The following ARL8B variants were observed in gnomAD, a reference collection of about 807,000 sequenced individuals.
ARL8B encodes the protein ADP-ribosylation factor-like protein 8B.
Under a neutral mutation model 30.6 loss-of-function variants are expected in ARL8B, and 9 were observed. That is an observed-to-expected ratio of 0.29 (90% confidence interval 0.18 to 0.51). The LOEUF (loss-of-function observed/expected upper bound fraction) is 0.51. Ranked by LOEUF, ARL8B falls within the 20% of genes least tolerant of loss-of-function variation. The probability of loss-of-function intolerance (pLI) is 0.97; values close to 1 mark genes in which losing one functional copy is unlikely to be tolerated. For synonymous variants in ARL8B, 74 were observed against 76.0 expected (o/e 0.97, Z 0.14); for missense variants, 130 against 227.2 (o/e 0.57, Z 2.75).
chr3:5,148,774 C>T (rs1485843794), intron 1 of ARL8B, among the ~76,000 whole-genome samples: 1 of 152,084 alleles, frequency 6.6e-6, no homozygotes, highest in East Asian at 1.9e-4. Flanking sequence ...GTCTTTGGGC[C>T]AGATAAAACA....
intron 1 of ARL8B, among the ~76,000 whole-genome samples, chr3:5,148,407 T>C (rs1034464368): frequency 6.6e-6 from 1 of 152,208 alleles, no homozygotes; most frequent in African/African-American, 2.4e-5. Context: ...TTCTTAAATT[T>C]GGATAAGGAT....
intron 1 of ARL8B, among the ~76,000 whole-genome samples, chr3:5,134,521 G>T (rs944976344): frequency 6.6e-6 from 1 of 152,216 alleles, no homozygotes; most frequent in Admixed American, 6.5e-5. Flanking sequence ...TTTTCTAGGT[G>T]TGATTTGTGT....
At chr3:5,145,868 C>G (rs2054414448) in intron 1 of ARL8B, among the ~76,000 whole-genome samples, 1 of 152,148 alleles carries the variant, frequency 6.6e-6, no homozygotes, top group African/African-American at 2.4e-5. Flanking sequence ...TATTCTCTTT[C>G]CTTCACTAAT....
intron 1 of ARL8B, among the ~76,000 whole-genome samples, chr3:5,154,460 G>T (rs149759379): frequency 1.3e-5 from 2 of 151,492 alleles, no homozygotes; most frequent in Non-Finnish European, 2.9e-5. Context: ...TCAGCCTCCC[G>T]AGTAGCTGGG....
At chr3:5,155,667 GC>G (rs58950262) in intron 1 of ARL8B, among the ~76,000 whole-genome samples, 27,489 of 121,390 alleles carry the variant, frequency 0.23, 3,103 homozygotes, top group African/African-American at 0.45. Flanking sequence ...GATTCCCCGT[GC>G]CCCCCCACCC....
At chr3:5,133,434 AGG>A (rs2054300491) in intron 1 of ARL8B, among the ~76,000 whole-genome samples, 1 of 152,210 alleles carries the variant, frequency 6.6e-6, no homozygotes, top group African/African-American at 2.4e-5. Flanking sequence ...AGGAGGGGAA[AGG>A]TACGCATTAT....
At position 5,158,822 on chromosome 3, in the gene ARL8B, A is replaced by AGAATCCC. The variant is rs1219095057; in HGVS notation, c.124-11681_124-11680insGAATCCC. On this transcript the variant is annotated intron_variant, in intron 1 of 6. Transcript: ENST00000256496. ...AAAATTTCATTTTATTAGTCCCTTG[A>AGAATCCC]TTCTGTCTTACTTTAATAGGTCTTG... is the stretch of plus-strand genomic sequence containing the variant. 2.9e-3 allele frequency among the ~76,000 whole-genome samples: 443 copies of AGAATCCC among 152,220 alleles called. 3 individuals are homozygous for AGAATCCC. The highest frequency in any genetic ancestry group is 0.01 in the African/African-American group (436 of 41,538).
At chr3:5,170,805 C>T in intron 2 of ARL8B, 1 of 388,982 alleles carries the variant, frequency 2.6e-6, no homozygotes, top group Non-Finnish European at 4.7e-6. Context: ...GATCTCCACT[C>T]ACTGCAACCT....
chr3:5,146,821 T>C (rs998949922), intron 1 of ARL8B, among the ~76,000 whole-genome samples: 2 of 152,164 alleles, frequency 1.3e-5, no homozygotes, highest in African/African-American at 4.8e-5. Context: ...TCCCTGATAC[T>C]GTCAATTTTT....
intron 1 of ARL8B, among the ~76,000 whole-genome samples, chr3:5,129,689 G>C (rs1384453036): frequency 6.6e-6 from 1 of 152,004 alleles, no homozygotes; most frequent in East Asian, 1.9e-4. Flanking sequence ...AGGGACCACA[G>C]GCGTATGTCA....
chr3:5,170,993 A>G (rs954730238), intron 2 of ARL8B: 2 of 153,434 alleles, frequency 1.3e-5, no homozygotes, highest in Non-Finnish European at 2.9e-5. Context: ...GGCCTCCCCA[A>G]AGTGCTGGGA....
intron 1 of ARL8B, among the ~76,000 whole-genome samples, chr3:5,130,421 T>C (rs1444887766): frequency 1.3e-5 from 2 of 152,182 alleles, no homozygotes; most frequent in Admixed American, 6.5e-5. Context: ...TATTTTGTTT[T>C]AGAAGTATTG....
intron 6 of ARL8B, among the ~76,000 whole-genome samples, chr3:5,177,815 G>T (rs779073082): frequency 7.2e-5 from 11 of 152,192 alleles, no homozygotes; most frequent in Non-Finnish European, 1.3e-4. Flanking sequence ...CTCCCATTCA[G>T]TTCCAATGAG....
intron 1 of ARL8B, among the ~76,000 whole-genome samples, chr3:5,125,266 C>T (rs984060771): frequency 1.3e-5 from 2 of 152,098 alleles, no homozygotes; most frequent in Non-Finnish European, 2.9e-5. Context: ...TAGATGGTAA[C>T]TGTTGTTATT....
At chr3:5,130,010 C>T (rs375245124) in intron 1 of ARL8B, among the ~76,000 whole-genome samples, 14 of 150,570 alleles carry the variant, frequency 9.3e-5, no homozygotes, top group African/African-American at 3.2e-4. Flanking sequence ...ACTACAGGCA[C>T]GTGCCACCAC....
At chr3:5,127,742 G>A (rs1186845059) in intron 1 of ARL8B, among the ~76,000 whole-genome samples, 1 of 151,824 alleles carries the variant, frequency 6.6e-6, no homozygotes, top group Non-Finnish European at 1.5e-5. Flanking sequence ...GTGTGGTGGT[G>A]GGCACCTGTA....
intron 1 of ARL8B, among the ~76,000 whole-genome samples, chr3:5,122,817 A>G (rs963069842): frequency 6.6e-6 from 1 of 152,146 alleles, no homozygotes; most frequent in Non-Finnish European, 1.5e-5. Flanking sequence ...CAGTGTAGAC[A>G]TTTTCCAAGG....
chr3:5,158,288 C>T (rs879542907), intron 1 of ARL8B, among the ~76,000 whole-genome samples: 22 of 152,082 alleles, frequency 1.4e-4, no homozygotes, highest in Admixed American at 1.2e-3. Flanking sequence ...CAGCCTGGGG[C>T]ATGCATTCTG....
At chr3:5,147,854 A>G (rs11710404) in intron 1 of ARL8B, among the ~76,000 whole-genome samples, 57,812 of 149,864 alleles carry the variant, frequency 0.39, 12,684 homozygotes, top group African/African-American at 0.62. Context: ...TTGAGCCTCT[A>G]CAGGAATGCG....
Sources: gnomAD v4.1 joint callset for allele counts (sites outside exome capture counted in the v4.1 genomes callset) on GRCh38, gnomAD v4.1.1 for gene constraint, MANE v1.5 for transcripts, NCBI Gene and HGNC (gene_info 2026-07-23, HGNC 2026-07-21) for gene names.